SIDT1: variants seen among roughly 807,000 people sequenced by gnomAD.
SIDT1 encodes the protein SID1 transmembrane family member 1.
A neutral mutation model predicts 107.5 loss-of-function variants in SIDT1; 101 were observed. That is an observed-to-expected ratio of 0.94 (90% CI 0.80 to 1.11). SIDT1 has a LOEUF of 1.11. Ranked by LOEUF, SIDT1 falls within the 50% of genes least tolerant of loss-of-function variation. The pLI, the probability that SIDT1 is intolerant of heterozygous loss-of-function variation, is 0.00. For missense variants in SIDT1, 1,076 were observed against 1,058.2 expected, an observed-to-expected ratio of 1.02 and a Z score of -0.23; for synonymous variants, 395 against 398.2, an observed-to-expected ratio of 0.99 and a Z score of 0.10.
intron 11 of SIDT1, chr3:113,602,490 A>T (rs993556756): frequency 6.6e-6 from 1 of 152,330 alleles, no homozygotes; most frequent in African/African-American, 2.4e-5. Flanking sequence ...GGAAACATTC[A>T]TGGGAACAGA....
intron 3 of SIDT1, among the ~76,000 whole-genome samples, chr3:113,570,823 G>A (rs1942380516): frequency 1.3e-5 from 2 of 152,148 alleles, no homozygotes; most frequent in Non-Finnish European, 2.9e-5. Context: ...AATGTATATG[G>A]AACACATTTT....
chr3:113,535,268 T>C (rs1403231123), intron 1 of SIDT1, among the ~76,000 whole-genome samples: 2 of 143,080 alleles, frequency 1.4e-5, no homozygotes, highest in Non-Finnish European at 1.5e-5. Flanking sequence ...TGATACCCTG[T>C]TTTTTCAAAA....
intron 1 of SIDT1, among the ~76,000 whole-genome samples, chr3:113,536,136 A>C (rs1223427295): frequency 6.6e-6 from 1 of 152,204 alleles, no homozygotes; most frequent in African/African-American, 2.4e-5. Context: ...GCTCTCTTTC[A>C]GGCGCTGGTT....
chr3:113,550,245 C>T (rs1316033062), intron 1 of SIDT1, among the ~76,000 whole-genome samples: 1 of 152,134 alleles, frequency 6.6e-6, no homozygotes, highest in African/African-American at 2.4e-5. Context: ...CATGGTCAGC[C>T]CATCAAGATT....
intron 1 of SIDT1, among the ~76,000 whole-genome samples, chr3:113,551,571 C>T (rs1286521710): frequency 1.3e-5 from 2 of 152,046 alleles, no homozygotes; most frequent in Non-Finnish European, 2.9e-5. Flanking sequence ...ACAGTCGTGT[C>T]TTTTGATCAT....
intron 1 of SIDT1, among the ~76,000 whole-genome samples, chr3:113,553,304 G>A (rs573893917): frequency 5.3e-5 from 8 of 152,196 alleles, no homozygotes; most frequent in South Asian, 2.1e-4. Context: ...TGACAAACAC[G>A]TATTTAAAGT....
In SIDT1 at chr3:113,585,186, A is replaced by G. The variant is rs759303022; in HGVS notation, c.917A>G (p.Tyr306Cys). Residue 306 changes from tyrosine (Y) to cysteine (C), a missense_variant, in exon 9 of 25, where the codon TAT (tyrosine) becomes TGT (cysteine). Physicochemically the swap from Tyr to Cys is radical, Grantham distance 194. Coordinates refer to ENST00000264852, the MANE Select transcript of SIDT1 (RefSeq NM_017699.3). ...TIVPSIKESV[Y>C]VKSSLFSVFI... ...GTTTCTCTCCCTTCAGAATCTGTTTATGTGAAATCCAGTCTTTTCAGTGTC... is the reference window on the plus strand; with the variant it reads ...GTTTCTCTCCCTTCAGAATCTGTTTGTGTGAAATCCAGTCTTTTCAGTGTC... The G allele has an allele frequency of 5.6e-6, 9 of 1,612,866 alleles. No homozygotes were observed. The highest frequency in any genetic ancestry group is 1.1e-5 in the South Asian group (1 of 91,050).
intron 10 of SIDT1, among the ~76,000 whole-genome samples, chr3:113,593,320 A>T (rs1486275343): frequency 6.6e-6 from 1 of 152,144 alleles, no homozygotes; most frequent in Non-Finnish European, 1.5e-5. Flanking sequence ...GCAGGTGAGC[A>T]AGTATTACCA....
chr3:113,585,101 T>C (rs1943645226), intron 8 of SIDT1, 76 bp from the exon 9 acceptor site: 2 of 1,055,668 alleles, frequency 1.9e-6, no homozygotes, highest in Admixed American at 3.8e-5. Context: ...AGGGGGCCCT[T>C]TAAGCCGTCC....
intron 12 of SIDT1, 77 bp from the exon 13 acceptor site, chr3:113,603,883 T>C: frequency 1.1e-6 from 1 of 895,844 alleles, no homozygotes; most frequent in Non-Finnish European, 1.8e-6. Context: ...ATTGAGACAT[T>C]TGTTATGTTT....
At position 113,608,656 on chromosome 3, in the gene SIDT1, G is replaced by A. The variant is rs1945517928; in HGVS notation, c.1720+120G>A. 1.9e-5 allele frequency: 14 copies of A among 732,182 alleles called. No homozygotes were observed. The South Asian group carries it at 2.1e-4, about 11-fold the overall frequency. 45.4% of individuals were successfully genotyped at this position (732,182 alleles called of 1,614,324 possible). On this transcript the variant is annotated intron_variant, in intron 17 of 24. Coordinates refer to ENST00000264852, the MANE Select transcript of SIDT1 (RefSeq NM_017699.3). ...AATGGCATTTTATGTGAGCTGAAGA[G>A]ATCAGAGAGGACCTCCACACAGAGC...
In SIDT1 at chr3:113,608,162, T is replaced by G. The variant is rs1479051308; in HGVS notation, c.1547T>G (p.Leu516Trp). Residue 516 changes from leucine (L) to tryptophan (W), a missense_variant, in exon 16 of 25, where the codon TTG becomes TGG. Coordinates refer to ENST00000264852, the MANE Select transcript of SIDT1 (RefSeq NM_017699.3). ...GGCTTCCTCTTCCTGCTGATAGTCT[T>G]GCGCCGCGACATCCTCCATCGGAGA... ...LLGFLFLLIV[L>W]RRDILHRRAL... 6.2e-7 allele frequency: 1 copy of G among 1,612,120 alleles called. No individual in the cohort carries two copies. Among genetic ancestry groups the G allele is most frequent in the Admixed American group, 1.7e-5 (1 of 59,522 alleles).
At position 113,585,245 on chromosome 3, in the gene SIDT1, C is replaced by T; in HGVS notation, c.976C>T (p.Leu326Phe). ...CCTGTCCTTCTACTTGGGATGCCTT[C>T]TTGTTGGGTTTGTTCATTATCTGAG... ...IFLSFYLGCLLVGFVHYLRFQ... is the reference protein window; with the variant it reads ...IFLSFYLGCLFVGFVHYLRFQ... The change falls in exon 9 of 25, where the codon CTT becomes TTT. Residue 326 changes from leucine to phenylalanine, a missense_variant. By Grantham distance (22) the Leu-to-Phe change is conservative (BLOSUM62 0). Transcript: ENST00000264852. 1 of 1,613,206 alleles carries T rather than the reference C, an allele frequency of 6.2e-7. No individual in the cohort carries two copies. The highest frequency in any genetic ancestry group is 1.3e-5 in the African/African-American group (1 of 74,940).
chr3:113,583,182 AGG>A (rs1943489931), intron 6 of SIDT1, among the ~76,000 whole-genome samples: 2 of 152,220 alleles, frequency 1.3e-5, no homozygotes, highest in Admixed American at 6.5e-5. Flanking sequence ...GATTGAAATC[AGG>A]AATGTATATC....
intron 9 of SIDT1, among the ~76,000 whole-genome samples, chr3:113,592,523 A>G (rs1456681612): frequency 1.3e-5 from 2 of 152,114 alleles, no homozygotes; most frequent in East Asian, 3.8e-4. Context: ...CCAACAATGT[A>G]TGAGTTCCAA....
chr3:113,585,997 T>C (rs185646600), intron 9 of SIDT1, among the ~76,000 whole-genome samples: 2 of 152,338 alleles, frequency 1.3e-5, no homozygotes, highest in East Asian at 1.9e-4. Flanking sequence ...GTTCTTTCTC[T>C]TCTTGAACAT....
chr3:113,627,829 C>A lies in SIDT1; in HGVS notation c.*121C>A. 1.2e-6 allele frequency: 1 copy of A among 848,224 alleles called. No homozygotes were observed. Among genetic ancestry groups the A allele is most frequent in the South Asian group, 1.5e-5 (1 of 65,426 alleles). 52.5% of individuals were successfully genotyped at this position (848,224 alleles called of 1,614,324 possible). On this transcript the variant is annotated 3_prime_UTR_variant, in exon 25 of 25. Transcript: ENST00000264852. ...CCACTCACCCTCTGTAGAGCCAACT[C>A]TGCATTCACACAGGAAGGAGAGGGG...
intron 17 of SIDT1, among the ~76,000 whole-genome samples, chr3:113,610,450 T>C (rs764508557): frequency 2.0e-5 from 3 of 152,236 alleles, no homozygotes; most frequent in Admixed American, 1.3e-4. Context: ...AATGGAGGCA[T>C]TGCATTGTTA....
chr3:113,612,370 A>T, intron 19 of SIDT1, 176 bp downstream of exon 19: 2 of 671,176 alleles, frequency 3.0e-6, no homozygotes. Flanking sequence ...CCCTTATAGG[A>T]TAGTGATAAG....
Sources: allele counts gnomAD v4.1 joint callset (sites outside exome capture counted in the v4.1 genomes callset), GRCh38; gene constraint gnomAD v4.1.1; transcripts MANE v1.5; gene names NCBI Gene and HGNC (gene_info 2026-07-23, HGNC 2026-07-21).